The following HCFC2 variants were observed in gnomAD, a reference collection of about 807,000 sequenced individuals.
The protein encoded by HCFC2 is host cell factor C2.
In HCFC2, 18 loss-of-function variants were observed where a neutral mutation model predicts 89.2. That is an observed-to-expected ratio of 0.20 (90% CI 0.14 to 0.30). HCFC2 has a LOEUF of 0.30. Ranked by LOEUF, HCFC2 falls within the 10% of genes least tolerant of loss-of-function variation. HCFC2 has a pLI of 1.00. For synonymous variants in HCFC2, 308 were observed against 335.7 expected (o/e 0.92, Z 0.90); for missense variants, 578 against 956.1 (o/e 0.60, Z 5.21).
intron 13 of HCFC2, among the ~76,000 whole-genome samples, chr12:104,100,593 T>C (rs116416765): frequency 0.01 from 1,596 of 152,112 alleles, 38 homozygotes; most frequent in African/African-American, 0.036. Context: ...AATTATTAAA[T>C]GGACAATTTC....
Position 104,082,626 on chromosome 12 carries a change from C to CTCATTGAA in HCFC2, c.874+22_874+29dup, listed in dbSNP as rs1327942826. 6.3e-7 allele frequency: 1 copy of CTCATTGAA among 1,578,632 alleles called. No individual in the cohort carries two copies. The highest frequency in any genetic ancestry group is 8.7e-7 in the Non-Finnish European group (1 of 1,151,300). On this transcript the variant is annotated intron_variant, in intron 6 of 14. Coordinates refer to ENST00000229330, the MANE Select transcript of HCFC2 (RefSeq NM_013320.3). ...ATCTGGGTGAGTCTTTTAAGAGTTACTCATTGAATTAATCTTTATTAATAA... is the reference window on the plus strand; with the variant it reads ...ATCTGGGTGAGTCTTTTAAGAGTTACTCATTGAATCATTGAATTAATCTTTATTAATAA...
chr12:104,079,259 G>C (rs1593597669), intron 3 of HCFC2, among the ~76,000 whole-genome samples, 186 bp from the exon 4 acceptor site: 1 of 152,248 alleles, frequency 6.6e-6, no homozygotes, highest in East Asian at 1.9e-4. Flanking sequence ...AAGAGTGCCT[G>C]GTACATAGTA....
In HCFC2 at chr12:104,096,824, A is replaced by C. The variant is rs73177978; in HGVS notation, c.1740+391A>C. Among the ~76,000 whole-genome samples the C allele has an allele frequency of 1.7e-3, 265 of 152,304 alleles. 1 individual carries two copies. Among genetic ancestry groups the C allele is most frequent in the Non-Finnish European group, 2.7e-3 (187 of 68,018 alleles). On this transcript the variant is annotated intron_variant, in intron 12 of 14. Coordinates refer to ENST00000229330, the MANE Select transcript of HCFC2 (RefSeq NM_013320.3). ...CAGAAATGTGTGTATGTATATATAC[A>C]TACATATATGTGTATATATGTGTAA...
chr12:104,069,902 A>G (rs1431363580), intron 3 of HCFC2, among the ~76,000 whole-genome samples: 4 of 151,374 alleles, frequency 2.6e-5, no homozygotes, highest in Admixed American at 2.6e-4. Flanking sequence ...CCCTCTGTCC[A>G]TGTTTTCTCA....
Position 104,075,548 on chromosome 12 carries a change from TCTTGGGTTCAAG to T in HCFC2, c.474-3894_474-3883del, listed in dbSNP as rs1331198157. Among the ~76,000 whole-genome samples the T allele has an allele frequency of 2.5e-4, 38 of 149,622 alleles. No homozygotes were observed. The East Asian group carries it at 7.2e-3, about 28-fold the overall frequency. On this transcript the variant is annotated intron_variant, in intron 3 of 14. Transcript: ENST00000229330. ...ATCATAGCTTACTGCAGCCTTGAAC[TCTTGGGTTCAAG>T]CTATACTCCCACCTCAGCCTTCTGA...
chr12:104,082,716 C>A lies in HCFC2; in HGVS notation c.878C>A (p.Thr293Lys), dbSNP rs1341624284. The change falls in exon 7 of 15, where the codon ACA (threonine) becomes AAA (lysine). Residue 293 changes from threonine to lysine, a missense_variant. Physicochemically the swap from Thr to Lys is moderately conservative, Grantham distance 78. Transcript: ENST00000229330. Reference sequence around the variant, plus strand: ...ATGGATATTTCTATCTTTTCAGATACAACAGAGTGGACCACCCTAGTATCA... The same window carrying A: ...ATGGATATTTCTATCTTTTCAGATAAAACAGAGTGGACCACCCTAGTATCA... Reference protein sequence around the residue: ...TSSFSYLNLDTTEWTTLVSDS... With the variant: ...TSSFSYLNLDKTEWTTLVSDS... 1.2e-6 allele frequency: 2 copies of A among 1,610,156 alleles called. No homozygotes were observed. The highest frequency in any genetic ancestry group is 8.5e-7 in the Non-Finnish European group (1 of 1,178,510).
chr12:104,081,165 A>AT (rs1883671890), intron 5 of HCFC2, among the ~76,000 whole-genome samples: 1 of 152,208 alleles, frequency 6.6e-6, no homozygotes, highest in Admixed American at 6.5e-5. Context: ...ACTGAGGCAC[A>AT]TGCTCTTAAT....
At chr12:104,070,337 C>A (rs1364099355) in intron 3 of HCFC2, among the ~76,000 whole-genome samples, 1 of 152,082 alleles carries the variant, frequency 6.6e-6, no homozygotes, top group African/African-American at 2.4e-5. Flanking sequence ...CAAATTTATT[C>A]TTTTTTATGG....
intron 13 of HCFC2, among the ~76,000 whole-genome samples, chr12:104,101,138 T>C (rs185130810): frequency 3.9e-5 from 6 of 152,350 alleles, no homozygotes; most frequent in African/African-American, 1.2e-4. Flanking sequence ...ACCTAGAGTA[T>C]ATAATCTAAT....
chr12:104,080,670 T>C, intron 4 of HCFC2, 76 bp from the exon 5 acceptor site: 1 of 848,602 alleles, frequency 1.2e-6, no homozygotes, highest in Non-Finnish European at 1.8e-6. Flanking sequence ...CCTTGTTTTA[T>C]TTTTTAAAAT....
intron 8 of HCFC2, among the ~76,000 whole-genome samples, chr12:104,087,431 GTGTGTGTGTGTA>G (rs1410197998): frequency 9.5e-6 from 1 of 105,224 alleles, no homozygotes; most frequent in African/African-American, 3.2e-5. Flanking sequence ...GTGTGTGTGT[GTGTGTGTGTGTA>G]TGTGTGTGTG....
At position 104,095,394 on chromosome 12, in the gene HCFC2, T is replaced by C; in HGVS notation, c.1497T>C (p.Ser499=). 6.2e-7 allele frequency: 1 copy of C among 1,613,650 alleles called. No homozygotes were observed. The highest frequency in any genetic ancestry group is 1.1e-5 in the South Asian group (1 of 91,058). The change falls in exon 11 of 15, where the codon AGT becomes AGC. Residue 499 remains serine, a synonymous_variant. Coordinates refer to ENST00000229330, the MANE Select transcript of HCFC2 (RefSeq NM_013320.3). This position sits in a 1 kb window ranked among gnomAD's most constrained non-coding sequence, Gnocchi z 4.2. ...CTTCAGCAAATGTAGGTGTTCTAAG[T>C]AGTTGCCTGGATGTAAGAACAGTAA... ...PHTSANVGVL[S]SCLDVRTVIP... is the part of the protein sequence containing the mutation.
chr12:104,075,851 G>A (rs1271526149), intron 3 of HCFC2, among the ~76,000 whole-genome samples: 7 of 151,830 alleles, frequency 4.6e-5, no homozygotes, highest in African/African-American at 1.5e-4. Context: ...TTATTTTCCT[G>A]TGATTATATC....
intron 8 of HCFC2, among the ~76,000 whole-genome samples, 182 bp from the exon 9 acceptor site, chr12:104,087,804 C>CCTTGGAAGTA (rs1883913343): frequency 6.6e-6 from 1 of 152,016 alleles, no homozygotes; most frequent in Non-Finnish European, 1.5e-5. Context: ...AAAGCAAACA[C>CCTTGGAAGTA]AAATTTTGCA....
rs143793521 is a variant in HCFC2 at position 104,098,381 on chromosome 12, G to C, written c.1779G>C (p.Ala593=). ...TPSNPVATVK[A]GERQWCDVGI... is the part of the protein sequence containing the mutation. The stretch of plus-strand genomic sequence containing the variant: ...CAAATCCAGTGGCCACAGTGAAAGC[G>C]GGAGAACGACAATGGTGTGATGTGG... Residue 593 remains alanine (A), a synonymous_variant, in exon 13 of 15, where the codon GCG becomes GCC. Transcript: ENST00000229330. The C allele has an allele frequency of 1.9e-6, 3 of 1,610,656 alleles. No individual in the cohort carries two copies. The highest frequency in any genetic ancestry group is 2.5e-6 in the Non-Finnish European group (3 of 1,178,992).
In HCFC2 at chr12:104,088,035, C is replaced by T; in HGVS notation, c.1281C>T (p.Asn427=). ...AAGGCAGTAATAACATCGTTCCTAA[C>T]AGTGTAAGTAAAAAAGTGTATGAAG... The part of the protein sequence containing the change: ...HRQGSNNIVP[N]SINDTINSTK... Residue 427 remains asparagine (N), a synonymous_variant, in exon 9 of 15, where the codon AAC becomes AAT. Transcript: ENST00000229330. 1 of 1,601,018 alleles carries T rather than the reference C, an allele frequency of 6.2e-7. No individual in the cohort carries two copies. Among genetic ancestry groups the T allele is most frequent in the Non-Finnish European group, 8.5e-7 (1 of 1,171,188 alleles).
In HCFC2 at chr12:104,064,641, A is replaced by G. The variant is rs759904837; in HGVS notation, c.81A>G (p.Arg27=). The change falls in exon 1 of 15, where the codon CGA becomes CGG. Residue 27 remains arginine, a synonymous_variant. Coordinates refer to ENST00000229330, the MANE Select transcript of HCFC2 (RefSeq NM_013320.3). This position sits in a 1 kb window ranked among gnomAD's most constrained non-coding sequence, Gnocchi z 7.3. ...TCCCCCGCGCCCGGCACGGACACCG[A>G]GCGGTGGCCATCCGGGAGCTGATGA... The part of the protein sequence containing the change: ...GPVPRARHGH[R]AVAIRELMII... The G allele has an allele frequency of 1.0e-4, 159 of 1,580,192 alleles. No individual in the cohort carries two copies. Among genetic ancestry groups the G allele is most frequent in the Non-Finnish European group, 1.3e-4 (147 of 1,165,408 alleles).
At chr12:104,098,522 C>G (rs758592998) in intron 13 of HCFC2, 42 bp downstream of exon 13, 2 of 1,512,814 alleles carry the variant, frequency 1.3e-6, no homozygotes, top group Non-Finnish European at 1.8e-6. Context: ...TTATAAGCCT[C>G]AAGGATGAGA....
intron 5 of HCFC2, among the ~76,000 whole-genome samples, chr12:104,081,904 C>CAAAAAA (rs761929991): frequency 1.6e-5 from 1 of 62,566 alleles, no homozygotes; most frequent in African/African-American, 7.1e-5. Flanking sequence ...GATCCTGTCT[C>CAAAAAA]AAAAAAAAAA....
Sources: gnomAD v4.1 joint callset for allele counts (sites outside exome capture counted in the v4.1 genomes callset) on GRCh38, gnomAD v4.1.1 for gene constraint, Gnocchi (gnomAD v3.1) non-coding constraint, MANE v1.5 for transcripts, NCBI Gene and HGNC (gene_info 2026-07-23, HGNC 2026-07-21) for gene names.